The following GOLGA8T variants were observed in gnomAD, a reference collection of about 807,000 sequenced individuals.
GOLGA8T encodes golgin A8 family member T.
Under a neutral mutation model 52.0 loss-of-function variants are expected in GOLGA8T, and 17 were observed. The ratio of observed to expected loss-of-function variants is 0.33; its 90% CI spans 0.22 to 0.49. The LOEUF (loss-of-function observed/expected upper bound fraction) is 0.49, where lower values mean the gene tolerates loss of function less well. Among genes scored for constraint, GOLGA8T ranks in the 20% least tolerant of loss-of-function variants. The pLI, the probability that GOLGA8T is intolerant of heterozygous loss-of-function variation, is 0.99. For missense variants in GOLGA8T, 154 were observed against 462.1 expected (o/e 0.33, Z 6.11); for synonymous variants, 67 against 169.5 (o/e 0.40, Z 4.70).
chr15:30,143,449 A>G (rs1203290547), intron 13 of GOLGA8T, among the ~76,000 whole-genome samples, 157 bp from the exon 14 acceptor site: 1 of 128,172 alleles, frequency 7.8e-6, no homozygotes, highest in African/African-American at 4.5e-5. Context: ...CCAGCTAATG[A>G]ACCAGCTGCA....
intron 2 of GOLGA8T, among the ~76,000 whole-genome samples, chr15:30,137,396 G>C (rs2057704238): frequency 8.6e-6 from 1 of 116,042 alleles, no homozygotes; most frequent in South Asian, 3.2e-4. Flanking sequence ...AAAAAAAAAG[G>C]AATTCTGGGT....
At position 30,137,235 on chromosome 15, in the gene GOLGA8T, A is replaced by G. The variant is rs537908329; in HGVS notation, c.168+250A>G. Among the ~76,000 whole-genome samples, 85 of 147,632 alleles carry G rather than the reference A, an allele frequency of 5.8e-4. 3 individuals are homozygous for G. Among genetic ancestry groups the G allele is most frequent in the Non-Finnish European group, 9.5e-4 (64 of 67,320 alleles). ...TACTAAAAATACAAAAACATTAGCC[A>G]AGCGTGGTGGCGTGTGCCTGTAGTC... On this transcript the variant is annotated intron_variant, in intron 2 of 18. Coordinates refer to ENST00000569052, the MANE Select transcript of GOLGA8T (RefSeq NM_001355469.2).
In GOLGA8T at chr15:30,141,298, C is replaced by G. The variant is rs532188516; in HGVS notation, c.787-40C>G. The G allele has an allele frequency of 9.0e-6, 14 of 1,551,640 alleles. 1 individual carries two copies. The Admixed American group carries it at 1.4e-4, about 15-fold the overall frequency. ...AGAGGGCAGCCTGTCCAGCCACCAG[C>G]CCCTCTCTCCAAGGCCCTTTCCCCT... On this transcript the variant is annotated intron_variant, in intron 10 of 18. Coordinates refer to ENST00000569052, the MANE Select transcript of GOLGA8T (RefSeq NM_001355469.2).
At chr15:30,141,463 C>A (rs1386957903) in intron 11 of GOLGA8T, 38 bp downstream of exon 11, 1 of 1,517,748 alleles carries the variant, frequency 6.6e-7, no homozygotes, top group Non-Finnish European at 8.7e-7. Context: ...GCAGGACTGG[C>A]ATCAGAGGGC....
In GOLGA8T at chr15:30,142,978, A is replaced by G. The variant is rs939173871; in HGVS notation, c.1200+596A>G. Among the ~76,000 whole-genome samples the G allele has an allele frequency of 3.8e-4, 39 of 102,782 alleles. 1 individual carries two copies. In the East Asian group the frequency reaches 4.0e-3, roughly 10 times the overall value. The allele number at this position is 102,782 out of a possible 152,430, so 67.4% of individuals were successfully genotyped here. On this transcript the variant is annotated intron_variant, in intron 13 of 18. Coordinates refer to ENST00000569052, the MANE Select transcript of GOLGA8T (RefSeq NM_001355469.2). ...ACAAAACAAAAAGACTCCTTAGATTAAAACTGGATTCCAGCCTCGGTTGCA... is the reference window on the plus strand; with the variant it reads ...ACAAAACAAAAAGACTCCTTAGATTGAAACTGGATTCCAGCCTCGGTTGCA...
At chr15:30,140,118 G>A (rs2057720662) in intron 8 of GOLGA8T, 1 of 520,070 alleles carries the variant, frequency 1.9e-6, no homozygotes, top group Non-Finnish European at 3.4e-6. Flanking sequence ...CCTTTAGTAT[G>A]TTACCATTTC....
intron 13 of GOLGA8T, 44 bp downstream of exon 13, chr15:30,142,426 A>G: frequency 6.3e-7 from 1 of 1,579,812 alleles, no homozygotes; most frequent in Non-Finnish European, 8.5e-7. Context: ...AAGGGCTGGG[A>G]GGCGGGCAGC....
chr15:30,137,197 G>A (rs2057701284), intron 2 of GOLGA8T, among the ~76,000 whole-genome samples: 1 of 147,044 alleles, frequency 6.8e-6, no homozygotes, highest in Non-Finnish European at 1.5e-5. Context: ...TTAACACGGT[G>A]AAACCCTGTC....
chr15:30,140,705 C>G, intron 8 of GOLGA8T, 137 bp from the exon 9 acceptor site: 1 of 789,736 alleles, frequency 1.3e-6, no homozygotes, highest in East Asian at 2.7e-5. Flanking sequence ...CTTTTAAAAA[C>G]CAGACCACGG....
chr15:30,143,372 A>C (rs1213906983), intron 13 of GOLGA8T, among the ~76,000 whole-genome samples: 7 of 117,678 alleles, frequency 5.9e-5, no homozygotes, highest in Middle Eastern at 3.7e-3. Context: ...CTGCAGCAGT[A>C]CGTGGCCACC....
chr15:30,144,474 G>A (rs1298677439), intron 15 of GOLGA8T, among the ~76,000 whole-genome samples: 3 of 115,844 alleles, frequency 2.6e-5, no homozygotes, highest in African/African-American at 1.1e-4. Flanking sequence ...CATTTTTCAA[G>A]TCCGCTGGAG....
chr15:30,135,451 GC>G, intron 1 of GOLGA8T: 9 of 14,266 alleles, frequency 6.3e-4, no homozygotes, highest in South Asian at 4.2e-3. Context: ...CCATTACTGG[GC>G]CCTCATCTCC....
At chr15:30,144,747 G>A in intron 15 of GOLGA8T, 32 bp from the exon 16 acceptor site, 1 of 1,325,840 alleles carries the variant, frequency 7.5e-7, no homozygotes, top group East Asian at 2.4e-5. Flanking sequence ...GCAGGTCGCT[G>A]CCGAGATGTG....
intron 13 of GOLGA8T, 50 bp downstream of exon 13, chr15:30,142,432 G>C (rs772209590): frequency 6.3e-7 from 1 of 1,581,170 alleles, no homozygotes. Context: ...TGGGAGGCGG[G>C]CAGCAGACTC....
rs1448528008 is a variant in GOLGA8T, at chr15:30,148,310, G to C, written c.*2743G>C. Among the ~76,000 whole-genome samples the C allele has an allele frequency of 3.2e-5, 4 of 125,054 alleles. No homozygotes were observed. Among genetic ancestry groups the C allele is most frequent in the African/African-American group, 1.3e-4 (3 of 23,658 alleles). 82.0% of individuals were successfully genotyped at this position (125,054 alleles called of 152,430 possible). A position where few individuals can be genotyped will look rare whatever the true frequency, so the allele number is the denominator to read the frequency against. ...GCAATATATAATAATCATTTTAAAAGTATTTGATTCAACCTGATAATTTTC... is the reference window on the plus strand; with the variant it reads ...GCAATATATAATAATCATTTTAAAACTATTTGATTCAACCTGATAATTTTC... On this transcript the variant is annotated 3_prime_UTR_variant, in exon 19 of 19. Transcript: ENST00000569052.
At chr15:30,143,902 AG>A (rs2057782741) in intron 14 of GOLGA8T, 2 of 559,266 alleles carry the variant, frequency 3.6e-6, no homozygotes, top group Non-Finnish European at 6.1e-6. Flanking sequence ...GAAAGGGAGC[AG>A]GTCAGAACTC....
intron 13 of GOLGA8T, 135 bp downstream of exon 13, chr15:30,142,517 C>G: frequency 1.3e-6 from 2 of 1,497,188 alleles, no homozygotes; most frequent in Admixed American, 2.0e-5. Context: ...CCAGGGCAGT[C>G]CTGTTTCTTG....
rs2057844225 is a variant in GOLGA8T, at chr15:30,148,341, A to AT, written c.*2775dup. 7.7e-6 allele frequency among the ~76,000 whole-genome samples: 1 copy of AT among 129,142 alleles called. No homozygotes were observed. The highest frequency in any genetic ancestry group is 1.5e-5 in the Non-Finnish European group (1 of 65,488). 84.7% of individuals were successfully genotyped at this position (129,142 alleles called of 152,430 possible). Reference sequence around the variant, plus strand: ...GATTCAACCTGATAATTTTCCAGAAATGAAAAAAAAAATCAGCTCTAAAAC... The same window carrying AT: ...GATTCAACCTGATAATTTTCCAGAAATTGAAAAAAAAAATCAGCTCTAAAAC... On this transcript the variant is annotated 3_prime_UTR_variant, in exon 19 of 19. Transcript: ENST00000569052.
At position 30,140,704 on chromosome 15, in the gene GOLGA8T, A is replaced by T. The variant is rs542866356; in HGVS notation, c.592-138A>T. On this transcript the variant is annotated intron_variant, in intron 8 of 18. Coordinates refer to ENST00000569052, the MANE Select transcript of GOLGA8T (RefSeq NM_001355469.2). ...CCAACTTTACTGAGTTCTTTTAAAA[A>T]CCAGACCACGGGCTTGGAAATGCCT... 3.4e-5 allele frequency: 27 copies of T among 789,372 alleles called. 1 individual carries two copies. The highest frequency in any genetic ancestry group is 5.2e-5 in the Non-Finnish European group (25 of 484,624). The allele number at this position is 789,372 out of a possible 1,614,324, so 48.9% of individuals were successfully genotyped here.
Sources: allele counts gnomAD v4.1 joint callset (sites outside exome capture counted in the v4.1 genomes callset), GRCh38; gene constraint gnomAD v4.1.1; transcripts MANE v1.5; gene names NCBI Gene and HGNC (gene_info 2026-07-23, HGNC 2026-07-21).